CD33: variants seen among roughly 807,000 people sequenced by gnomAD.
CD33 encodes CD33 molecule, also known as myeloid cell surface antigen CD33.
A neutral mutation model predicts 31.4 loss-of-function variants in CD33; 25 were observed. The ratio of observed to expected loss-of-function variants is 0.80; its 90% CI spans 0.58 to 1.11. CD33 has a LOEUF of 1.11. Ranked by LOEUF, CD33 falls within the 50% of genes most tolerant of loss-of-function variation. CD33 has a pLI of 0.00. For missense variants in CD33, 407 were observed against 448.1 expected (o/e 0.91, Z 0.83); for synonymous variants, 176 against 180.6 (o/e 0.97, Z 0.20).
At chr19:51,235,940 C>A in intron 6 of CD33, 2 of 697,292 alleles carry the variant, frequency 2.9e-6, no homozygotes. Flanking sequence ...GGGCGGATCA[C>A]GAGGTCAGGA....
At position 51,226,401 on chromosome 19, in the gene CD33, C is replaced by G. The variant is rs1464274835; in HGVS notation, c.745+45C>G. The G allele has an allele frequency of 2.6e-6, 4 of 1,562,954 alleles. No homozygotes were observed. In the African/African-American group the frequency reaches 5.4e-5, roughly 21 times the overall value. On this transcript the variant is annotated intron_variant, in intron 4 of 6. Transcript: ENST00000262262. ...CCTGGGGCTGTTACTGACATTGAGTCTGTGTCAGGTTTGGTCAGATCTGGA... is the reference window on the plus strand; with the variant it reads ...CCTGGGGCTGTTACTGACATTGAGTGTGTGTCAGGTTTGGTCAGATCTGGA...
At chr19:51,227,881 G>A (rs1981142773) in intron 4 of CD33, among the ~76,000 whole-genome samples, 1 of 151,886 alleles carries the variant, frequency 6.6e-6, no homozygotes, top group Non-Finnish European at 1.5e-5. Flanking sequence ...GATCCATTTT[G>A]AATTGATTTT....
At chr19:51,221,709 TAAC>T (rs1279481378), upstream of CD33, among the ~76,000 whole-genome samples, 1 of 152,176 alleles carries the variant, frequency 6.6e-6, no homozygotes, top group East Asian at 1.9e-4. Flanking sequence ...CCAATATTTA[TAAC>T]AACATTATTT....
intron 2 of CD33, 59 bp downstream of exon 2, chr19:51,225,657 G>T: frequency 6.5e-7 from 1 of 1,535,016 alleles, no homozygotes; most frequent in Non-Finnish European, 8.8e-7. Flanking sequence ...GCAGGGCAGG[G>T]CTGGGATGGG....
chr19:51,213,504 C>G, the CD33 span, among the ~76,000 whole-genome samples: 5 of 152,010 alleles, frequency 3.3e-5, no homozygotes, highest in South Asian at 2.1e-4. Flanking sequence ...TTTTTCTTTT[C>G]TTTTGTTTTG....
Position 51,235,194 on chromosome 19 carries a change from C to T in CD33, c.783C>T (p.Ala261=), listed in dbSNP as rs1177614704. The T allele has an allele frequency of 1.2e-6, 2 of 1,614,002 alleles. No individual in the cohort carries two copies. Among genetic ancestry groups the T allele is most frequent in the African/African-American group, 1.3e-5 (1 of 74,904 alleles). Residue 261 remains alanine (A), a synonymous_variant, in exon 5 of 7, where the codon GCC becomes GCT. Transcript: ENST00000262262. ...QETRAGVVHG[A]IGGAGVTALL... Reference sequence around the variant, plus strand: ...CCAGAGCAGGAGTGGTTCATGGGGCCATTGGAGGAGCTGGTGTTACAGCCC... The same window carrying T: ...CCAGAGCAGGAGTGGTTCATGGGGCTATTGGAGGAGCTGGTGTTACAGCCC...
Position 51,226,054 on chromosome 19 carries a change from G to A in CD33, c.670G>A (p.Glu224Lys), listed in dbSNP as rs1253925210. The A allele has an allele frequency of 6.2e-7, 1 of 1,614,102 alleles. No homozygotes were observed. Among genetic ancestry groups the A allele is most frequent in the Non-Finnish European group, 8.5e-7 (1 of 1,179,978 alleles). ...GTTCGCTGGAGCTGGTGTGACTACG[G>A]AGAGAACCATCCAGCTCAACGTCAC... ...VKFAGAGVTT[E>K]RTIQLNVTYV... The change falls in exon 3 of 7, where the codon GAG becomes AAG. Residue 224 changes from glutamate to lysine, a missense_variant. Transcript: ENST00000262262.
the CD33 span, chr19:51,212,041 C>A: frequency 2.3e-6 from 2 of 871,408 alleles, no homozygotes; most frequent in Non-Finnish European, 3.7e-6. Context: ...GGTGTGACCA[C>A]GGAGAGAACC....
chr19:51,215,157 C>T, the CD33 span, among the ~76,000 whole-genome samples: 2 of 152,052 alleles, frequency 1.3e-5, no homozygotes, highest in African/African-American at 2.4e-5. Context: ...GTGTGGAGGG[C>T]AGGAGACATG....
chr19:51,212,569 C>T, the CD33 span, among the ~76,000 whole-genome samples: 1 of 150,830 alleles, frequency 6.6e-6, no homozygotes, highest in African/African-American at 2.4e-5. Context: ...ACCCCCTCAA[C>T]CCCACAACAA....
At chr19:51,231,732 T>A (rs1194792987) in intron 4 of CD33, among the ~76,000 whole-genome samples, 2 of 151,384 alleles carry the variant, frequency 1.3e-5, no homozygotes, top group Non-Finnish European at 2.9e-5. Context: ...CCTTGAGCAT[T>A]TCTTTTCTTT....
chr19:51,220,581 A>C (rs1980640556), upstream of CD33, among the ~76,000 whole-genome samples: 1 of 152,120 alleles, frequency 6.6e-6, no homozygotes, highest in Admixed American at 6.5e-5. Context: ...TTGTGATTAG[A>C]TGTAAGGGTT....
intron 4 of CD33, among the ~76,000 whole-genome samples, chr19:51,233,726 C>T (rs747485922): frequency 1.9e-4 from 29 of 152,218 alleles, no homozygotes; most frequent in Non-Finnish European, 3.8e-4. Context: ...TCTGCAGTGG[C>T]ACTGGAGGTT....
chr19:51,211,279 G>A, the CD33 span: 79 of 1,571,296 alleles, frequency 5.0e-5, no homozygotes, highest in Non-Finnish European at 5.5e-5. Context: ...GGGTTTGTGC[G>A]TCCTCGTGCC....
chr19:51,223,903 G>A (rs1401137663), upstream of CD33, among the ~76,000 whole-genome samples: 1 of 152,110 alleles, frequency 6.6e-6, no homozygotes, highest in African/African-American at 2.4e-5. Flanking sequence ...CAGACAGCAT[G>A]TGTGTGTGTG....
At chr19:51,227,863 A>C (rs554809002) in intron 4 of CD33, among the ~76,000 whole-genome samples, 2 of 152,212 alleles carry the variant, frequency 1.3e-5, no homozygotes, top group East Asian at 3.9e-4. Context: ...TCTTATATTC[A>C]GGTCTTTGAT....
Position 51,225,288 on chromosome 19 carries a change from C to T in CD33, c.108C>T (p.Cys36=), listed in dbSNP as rs745860162. The T allele has an allele frequency of 6.8e-6, 11 of 1,614,118 alleles. No individual in the cohort carries two copies. The highest frequency in any genetic ancestry group is 6.7e-5 in the East Asian group (3 of 44,878). The change falls in exon 2 of 7, where the codon TGC becomes TGT. Residue 36 remains cysteine (C), a synonymous_variant. Coordinates refer to ENST00000262262, the MANE Select transcript of CD33 (RefSeq NM_001772.4). ...QESVTVQEGL[C]VLVPCTFFHP... ...CAGTGACGGTACAGGAGGGTTTGTG[C>T]GTCCTCGTGCCCTGCACTTTCTTCC...
the CD33 span, chr19:51,211,114 AC>A: frequency 7.7e-4 from 1,224 of 1,584,826 alleles, no homozygotes; most frequent in Non-Finnish European, 9.8e-4. Flanking sequence ...CAGACATGCC[AC>A]TGCTGCTACT....
At chr19:51,217,181 C>A in the CD33 span, among the ~76,000 whole-genome samples, 2 of 152,046 alleles carry the variant, frequency 1.3e-5, no homozygotes, top group Non-Finnish European at 2.9e-5. Flanking sequence ...ACTGGGAGAG[C>A]GCTGCTGGAT....
Sources: allele counts gnomAD v4.1 joint callset (sites outside exome capture counted in the v4.1 genomes callset), GRCh38; gene constraint gnomAD v4.1.1; transcripts MANE v1.5; gene names NCBI Gene and HGNC (gene_info 2026-07-23, HGNC 2026-07-21).